The following C3orf33 variants were observed in gnomAD, a reference collection of about 807,000 sequenced individuals.
The protein encoded by C3orf33 is AP-1 activity suppressor.
In C3orf33, 23 loss-of-function variants were observed where a neutral mutation model predicts 28.7. The observed-to-expected ratio is 0.80, with a 90% CI of 0.58 to 1.13. The LOEUF (loss-of-function observed/expected upper bound fraction) is 1.13, where lower values mean the gene tolerates loss of function less well. Ranked by LOEUF, C3orf33 falls within the 50% of genes most tolerant of loss-of-function variation. C3orf33 has a pLI of 0.00. For synonymous variants in C3orf33, 119 were observed against 120.5 expected (o/e 0.99, Z 0.08); for missense variants, 327 against 353.4 (o/e 0.93, Z 0.60).
rs1750449850 is a variant in C3orf33, at chr3:155,767,570, A to G, written c.422T>C (p.Leu141Pro). Residue 141 changes from leucine to proline, a missense_variant, in exon 4 of 5, where the codon CTA becomes CCA. Leu to Pro is a moderately conservative substitution (Grantham distance 98). Transcript: ENST00000340171. ...CTCCTTTCCAAGAAGTTGGAACCAT[A>G]GTAATTGGGAAGGTTTTAGCTCTTT... ...LQKELKPSQL[L>P]WFQLLGKENS... is the part of the protein sequence containing the mutation. 6.3e-6 allele frequency: 10 copies of G among 1,597,724 alleles called. No individual in the cohort carries two copies. Among genetic ancestry groups the G allele is most frequent in the Admixed American group, 1.7e-5 (1 of 59,080 alleles).
Position 155,779,185 on chromosome 3 carries a change from A to AAAG in C3orf33, c.175-3340_175-3338dup, listed in dbSNP as rs575617054. ...CAACCTGGTCTCCTCACCACCAAAA[A>AAAG]AAGTTCAACCTAAGGTAACGCTTTT... is the stretch of plus-strand genomic sequence containing the variant. On this transcript the variant is annotated intron_variant, in intron 2 of 4. Coordinates refer to ENST00000340171, the MANE Select transcript of C3orf33 (RefSeq NM_001308229.2). Among the ~76,000 whole-genome samples, 703 of 152,330 alleles carry AAAG rather than the reference A, an allele frequency of 4.6e-3. 10 individuals carry two copies. Among genetic ancestry groups the AAAG allele is most frequent in the African/African-American group, 0.016 (656 of 41,564 alleles).
chr3:155,781,816 G>A (rs1750934181), intron 2 of C3orf33, among the ~76,000 whole-genome samples: 1 of 146,160 alleles, frequency 6.8e-6, no homozygotes, highest in Non-Finnish European at 1.5e-5. Flanking sequence ...GGTGGCTCAT[G>A]CCTGTAATCC....
In C3orf33 at chr3:155,806,186, C is replaced by A; in HGVS notation, c.67G>T (p.Val23Leu). The change falls in exon 1 of 5, where the codon GTG (valine) becomes TTG (leucine). Residue 23 changes from valine (V) to leucine (L), a missense_variant. By Grantham distance (32) the Val-to-Leu change is conservative (BLOSUM62 1). Transcript: ENST00000340171. ...ADKDGMEPNV[V>L]ARISQWADDH... ...TCTGCCCACTGCGAGATCCGAGCCA[C>A]GACGTTGGGCTCCATTCCGTCCTTG... 1 of 1,501,256 alleles carries A rather than the reference C, an allele frequency of 6.7e-7. No individual in the cohort carries two copies. The highest frequency in any genetic ancestry group is 8.9e-7 in the Non-Finnish European group (1 of 1,126,010). 93.0% of individuals were successfully genotyped at this position (1,501,256 alleles called of 1,614,324 possible).
chr3:155,798,433 T>G (rs1751542357), intron 2 of C3orf33, among the ~76,000 whole-genome samples: 1 of 152,082 alleles, frequency 6.6e-6, no homozygotes, highest in Non-Finnish European at 1.5e-5. Context: ...CATAGACCAA[T>G]GGAACAGAAT....
At chr3:155,780,956 G>A (rs1750899897) in intron 2 of C3orf33, among the ~76,000 whole-genome samples, 1 of 151,344 alleles carries the variant, frequency 6.6e-6, no homozygotes, top group Admixed American at 6.6e-5. Context: ...TGTCACTGAG[G>A]CAAGGAACCA....
chr3:155,801,706 G>C (rs1276758663), intron 2 of C3orf33, among the ~76,000 whole-genome samples: 1 of 152,066 alleles, frequency 6.6e-6, no homozygotes, highest in Non-Finnish European at 1.5e-5. Context: ...ATAGATGCCA[G>C]GGGATGAGGG....
At chr3:155,771,876 G>T (rs1750602990) in intron 3 of C3orf33, among the ~76,000 whole-genome samples, 1 of 152,268 alleles carries the variant, frequency 6.6e-6, no homozygotes, top group Admixed American at 6.5e-5. Flanking sequence ...AACAACTTAG[G>T]CTCCAGTGGA....
intron 2 of C3orf33, among the ~76,000 whole-genome samples, chr3:155,801,084 C>T (rs540397242): frequency 6.6e-5 from 10 of 152,068 alleles, no homozygotes; most frequent in African/African-American, 2.2e-4. Context: ...AGACCAAGGC[C>T]GGTGTATCAC....
At position 155,806,164 on chromosome 3, in the gene C3orf33, G is replaced by T; in HGVS notation, c.89C>A (p.Ala30Glu). 1 of 1,488,786 alleles carries T rather than the reference G, an allele frequency of 6.7e-7. No homozygotes were observed. The highest frequency in any genetic ancestry group is 8.9e-7 in the Non-Finnish European group (1 of 1,117,686). 92.2% of individuals were successfully genotyped at this position (1,488,786 alleles called of 1,614,324 possible). Residue 30 changes from alanine to glutamate, a missense_variant, in exon 1 of 5, where the codon GCA (alanine) becomes GAA (glutamate). Transcript: ENST00000340171. ...PNVVARISQW[A>E]DDHLRLVRNI... ...CCGGACTAGGCGCAGGTGGTCGTCT[G>T]CCCACTGCGAGATCCGAGCCACGAC...
chr3:155,790,265 T>C (rs1017576032), intron 2 of C3orf33, among the ~76,000 whole-genome samples: 1 of 96,368 alleles, frequency 1.0e-5, no homozygotes, highest in East Asian at 2.9e-4. Flanking sequence ...TCTAACACTA[T>C]ATAAAAAAAT....
intron 2 of C3orf33, among the ~76,000 whole-genome samples, chr3:155,794,836 G>C (rs550933210): frequency 1.3e-5 from 2 of 152,066 alleles, no homozygotes; most frequent in East Asian, 3.9e-4. Context: ...AATGATAAAG[G>C]GGTCAATTCA....
At chr3:155,787,347 C>CTT (rs3068987) in intron 2 of C3orf33, among the ~76,000 whole-genome samples, 1,627 of 104,062 alleles carry the variant, frequency 0.016, 18 homozygotes, top group South Asian at 0.038. Flanking sequence ...CACAGGTATG[C>CTT]TTTTTTTTTT....
Position 155,763,514 on chromosome 3 carries a change from G to A in C3orf33, c.*3C>T, listed in dbSNP as rs536756378. The A allele has an allele frequency of 8.7e-5, 129 of 1,484,146 alleles. No homozygotes were observed. The highest frequency in any genetic ancestry group is 1.0e-4 in the Non-Finnish European group (115 of 1,122,996). 91.9% of individuals were successfully genotyped at this position (1,484,146 alleles called of 1,614,324 possible). On this transcript the variant is annotated 3_prime_UTR_variant, in exon 5 of 5. Coordinates refer to ENST00000340171, the MANE Select transcript of C3orf33 (RefSeq NM_001308229.2). Reference sequence around the variant, plus strand: ...AAGGTTACCTCTAGATTTCTTGACCGTTTCACCCTTTTCTACGAAAGTTTA... The same window carrying A: ...AAGGTTACCTCTAGATTTCTTGACCATTTCACCCTTTTCTACGAAAGTTTA...
At chr3:155,774,519 G>A (rs964854677) in intron 3 of C3orf33, among the ~76,000 whole-genome samples, 5 of 152,152 alleles carry the variant, frequency 3.3e-5, no homozygotes, top group Non-Finnish European at 7.4e-5. Context: ...GTGAAGCAAG[G>A]AGAAATGGGA....
intron 4 of C3orf33, among the ~76,000 whole-genome samples, chr3:155,766,785 C>T (rs1750415863): frequency 6.6e-6 from 1 of 151,926 alleles, no homozygotes. Context: ...CTCATCTCTA[C>T]TAAAAATACA....
intron 3 of C3orf33, among the ~76,000 whole-genome samples, chr3:155,775,269 C>T (rs1335696440): frequency 1.3e-5 from 2 of 152,074 alleles, no homozygotes; most frequent in Admixed American, 6.6e-5. Context: ...GTGGGCGGAT[C>T]ACCTGAAGTC....
chr3:155,776,961 T>C (rs1391562423), intron 2 of C3orf33, among the ~76,000 whole-genome samples: 1 of 151,830 alleles, frequency 6.6e-6, no homozygotes, highest in Admixed American at 6.6e-5. Context: ...ATAAAATAAA[T>C]GAGATTTAAG....
chr3:155,786,325 A>AAT (rs1559995156), intron 2 of C3orf33, among the ~76,000 whole-genome samples: 1 of 152,126 alleles, frequency 6.6e-6, no homozygotes. Flanking sequence ...TGAAACTAAA[A>AAT]GTTGGTTCTT....
At chr3:155,772,772 C>CTG (rs60966459) in intron 3 of C3orf33, among the ~76,000 whole-genome samples, 11,150 of 142,038 alleles carry the variant, frequency 0.079, 515 homozygotes, top group African/African-American at 0.12. Flanking sequence ...TTTTTAGGCT[C>CTG]TGTGTGTGTG....
Sources: gnomAD v4.1 joint callset for allele counts (sites outside exome capture counted in the v4.1 genomes callset) on GRCh38, gnomAD v4.1.1 for gene constraint, MANE v1.5 for transcripts, NCBI Gene and HGNC (gene_info 2026-07-23, HGNC 2026-07-21) for gene names.